The following MYCBPAP variants were observed in gnomAD, a reference collection of about 807,000 sequenced individuals.
MYCBPAP encodes the protein MYCBP associated protein.
In MYCBPAP, 60 loss-of-function variants were observed where a neutral mutation model predicts 106.1. The observed-to-expected ratio is 0.57, with a 90% confidence interval of 0.46 to 0.70. The LOEUF is 0.70. Among genes scored for constraint, MYCBPAP ranks in the 30% least tolerant of loss-of-function variants. The pLI is 0.00. For missense variants in MYCBPAP, 1,064 were observed against 1,169.3 expected, an observed-to-expected ratio of 0.91 and a Z score of 1.31; for synonymous variants, 407 against 440.6, an observed-to-expected ratio of 0.92 and a Z score of 0.95.
chr17:50,528,278 C>A lies in MYCBPAP; in HGVS notation c.2407+8C>A, dbSNP rs757289168. ...ATGTGCCTGAAGAGCAAGGTCAGAT[C>A]TTGTGCAACCAACCACACCTCTGCA... is the stretch of plus-strand genomic sequence containing the variant. On this transcript the variant is annotated splice_region_variant and intron_variant, in intron 16 of 18. Coordinates refer to ENST00000323776, the MANE Select transcript of MYCBPAP (RefSeq NM_032133.6). The A allele has an allele frequency of 1.2e-6, 2 of 1,604,574 alleles. No homozygotes were observed. The highest frequency in any genetic ancestry group is 1.3e-5 in the African/African-American group (1 of 74,836).
chr17:50,510,517 A>ATG (rs2033805365), intron 1 of MYCBPAP: 1 of 133,328 alleles, frequency 7.5e-6, no homozygotes, highest in Non-Finnish European at 1.6e-5. Flanking sequence ...ATATATATAT[A>ATG]TATATATATA....
At chr17:50,512,058 T>TTC (rs1567880552) in intron 1 of MYCBPAP, among the ~76,000 whole-genome samples, 2 of 150,456 alleles carry the variant, frequency 1.3e-5, no homozygotes, top group Non-Finnish European at 3.0e-5. Flanking sequence ...GTTTTCTTTT[T>TTC]TTTTTTTTTT....
intron 1 of MYCBPAP, chr17:50,509,906 G>A (rs1237480872): frequency 6.6e-6 from 1 of 152,244 alleles, no homozygotes; most frequent in African/African-American, 2.4e-5. Context: ...AGGGATGGTT[G>A]TAGGGGTACG....
At chr17:50,530,635 A>G (rs1351540346) in intron 18 of MYCBPAP, among the ~76,000 whole-genome samples, 3 of 148,254 alleles carry the variant, frequency 2.0e-5, no homozygotes, top group Non-Finnish European at 3.0e-5. Flanking sequence ...ATCTCTGCAG[A>G]AAAAAAAAAG....
chr17:50,519,753 C>A lies in MYCBPAP; in HGVS notation c.882C>A (p.His294Gln). Reference protein sequence around the residue: ...TQRGLMEPITHIRKPHSIRVE... With the variant: ...TQRGLMEPITQIRKPHSIRVE... The stretch of plus-strand genomic sequence containing the variant: ...GTGGCCTCATGGAGCCCATCACTCA[C>A]ATCAGGAAGCCCCACTCCATCCGGG... Residue 294 changes from histidine (H) to glutamine (Q), a missense_variant, in exon 7 of 19, where the codon CAC (histidine) becomes CAA (glutamine). His to Gln is a conservative substitution (Grantham distance 24). Transcript: ENST00000323776. 1 of 1,613,806 alleles carries A rather than the reference C, an allele frequency of 6.2e-7. No individual in the cohort carries two copies. Among genetic ancestry groups the A allele is most frequent in the Non-Finnish European group, 8.5e-7 (1 of 1,179,884 alleles).
intron 1 of MYCBPAP, chr17:50,509,209 G>C (rs1388759893): frequency 5.7e-6 from 4 of 696,916 alleles, no homozygotes; most frequent in Non-Finnish European, 7.9e-6. Flanking sequence ...GTCGGGGAGC[G>C]GGGCAGGCGT....
At chr17:50,514,443 A>G (rs944756065) in intron 1 of MYCBPAP, among the ~76,000 whole-genome samples, 1 of 152,160 alleles carries the variant, frequency 6.6e-6, no homozygotes, top group Non-Finnish European at 1.5e-5. Flanking sequence ...CTTATATCAA[A>G]CCATTCTGAA....
At chr17:50,527,677 GC>G (rs1270723079) in intron 15 of MYCBPAP, among the ~76,000 whole-genome samples, 1 of 152,184 alleles carries the variant, frequency 6.6e-6, no homozygotes, top group African/African-American at 2.4e-5. Flanking sequence ...AAAAGGAGAA[GC>G]CAGAGGGCAG....
In MYCBPAP at chr17:50,529,131, T is replaced by C. The variant is rs376571989; in HGVS notation, c.2667T>C (p.Ser889=). Reference sequence around the variant, plus strand: ...CTACCCCTGACATCATCCTCTCTTCTCAAGAACCCATAGACCCCCTGGTCA... The same window carrying C: ...CTACCCCTGACATCATCCTCTCTTCCCAAGAACCCATAGACCCCCTGGTCA... ...EDPTPDIILS[S]QEPIDPLVMG... The change falls in exon 18 of 19, where the codon TCT becomes TCC. Residue 889 remains serine (S), a synonymous_variant. Transcript: ENST00000323776. The C allele has an allele frequency of 3.1e-6, 5 of 1,613,714 alleles. No homozygotes were observed. In the Admixed American group the frequency reaches 8.3e-5, roughly 27 times the overall value.
intron 9 of MYCBPAP, 35 bp downstream of exon 9, chr17:50,521,466 A>G: frequency 6.9e-7 from 1 of 1,448,234 alleles, no homozygotes; most frequent in Non-Finnish European, 9.5e-7. Flanking sequence ...AGAGAGGCTG[A>G]AGAGTTCTCC....
chr17:50,526,410 C>CTATTTATT lies in MYCBPAP; in HGVS notation c.2169+146_2169+147insTTATTTAT, dbSNP rs773616077. 6.0e-3 allele frequency: 2,261 copies of CTATTTATT among 378,314 alleles called. 5 individuals are homozygous for CTATTTATT. The highest frequency in any genetic ancestry group is 9.9e-3 in the Admixed American group (177 of 17,796). The allele number at this position is 378,314 out of a possible 1,614,324, so 23.4% of individuals were successfully genotyped here. ...GAAAGTGATCTCTTGGGTTATCTAT[C>CTATTTATT]TATCTATTTATTTATTTATTTATTT... On this transcript the variant is annotated intron_variant, in intron 14 of 18. Coordinates refer to ENST00000323776, the MANE Select transcript of MYCBPAP (RefSeq NM_032133.6).
At chr17:50,529,346 T>C (rs972444205) in intron 18 of MYCBPAP, 158 bp downstream of exon 18, 3 of 667,486 alleles carry the variant, frequency 4.5e-6, no homozygotes, top group Non-Finnish European at 7.5e-6. Flanking sequence ...GAATAAGGAA[T>C]GCGCCTAGCA....
At chr17:50,520,548 A>G (rs1392983392) in intron 7 of MYCBPAP, among the ~76,000 whole-genome samples, 3 of 152,076 alleles carry the variant, frequency 2.0e-5, no homozygotes, top group Admixed American at 6.5e-5. Context: ...CAAACAAACT[A>G]TATTACTAAA....
Position 50,518,687 on chromosome 17 carries a change from C to A in MYCBPAP, c.615C>A (p.Asn205Lys). 2 of 1,601,510 alleles carry A rather than the reference C, an allele frequency of 1.2e-6. No individual in the cohort carries two copies. The highest frequency in any genetic ancestry group is 1.7e-6 in the Non-Finnish European group (2 of 1,175,382). Residue 205 changes from asparagine (N) to lysine (K), a missense_variant, in exon 5 of 19, where the codon AAC becomes AAA. Coordinates refer to ENST00000323776, the MANE Select transcript of MYCBPAP (RefSeq NM_032133.6). ...QHNFLKNWQR[N>K]TALRKKQQEA... Reference sequence around the variant, plus strand: ...ACTTTCTGAAAAACTGGCAGCGTAACACAGCCCTGCGGAAGAAGCAGCAGG... The same window carrying A: ...ACTTTCTGAAAAACTGGCAGCGTAAAACAGCCCTGCGGAAGAAGCAGCAGG...
At chr17:50,526,458 C>T (rs939383922) in intron 14 of MYCBPAP, among the ~76,000 whole-genome samples, 191 bp downstream of exon 14, 1 of 151,774 alleles carries the variant, frequency 6.6e-6, no homozygotes, top group African/African-American at 2.4e-5. Flanking sequence ...AAGTTTTGCT[C>T]TTGTTGCCCA....
At chr17:50,512,343 C>T (rs1170554017) in intron 1 of MYCBPAP, among the ~76,000 whole-genome samples, 2 of 152,172 alleles carry the variant, frequency 1.3e-5, no homozygotes, top group Non-Finnish European at 2.9e-5. Context: ...CGTGAGCCAC[C>T]GCGCCCGGCC....
At chr17:50,524,711 C>CTT (rs536297260) in intron 12 of MYCBPAP, among the ~76,000 whole-genome samples, 166 bp from the exon 13 acceptor site, 2 of 138,846 alleles carry the variant, frequency 1.4e-5, no homozygotes. Context: ...TTAGAACAGG[C>CTT]GTGTGTGTGT....
chr17:50,515,254 C>G (rs987855309), intron 1 of MYCBPAP, among the ~76,000 whole-genome samples: 4 of 152,092 alleles, frequency 2.6e-5, no homozygotes, highest in African/African-American at 4.8e-5. Flanking sequence ...TTGTTCCCCC[C>G]CACCATGTTC....
chr17:50,509,293 C>T (rs946663329), intron 1 of MYCBPAP: 7 of 631,840 alleles, frequency 1.1e-5, no homozygotes, highest in Non-Finnish European at 2.0e-5. Flanking sequence ...CTGCCTTTTC[C>T]TACCACGTGC....
Sources: gnomAD v4.1 joint callset for allele counts (sites outside exome capture counted in the v4.1 genomes callset) on GRCh38, gnomAD v4.1.1 for gene constraint, MANE v1.5 for transcripts, NCBI Gene and HGNC (gene_info 2026-07-23, HGNC 2026-07-21) for gene names.